GCN1: variants seen among roughly 807,000 people sequenced by gnomAD.
GCN1 encodes GCN1 activator of EIF2AK4.
Under a neutral mutation model 288.4 loss-of-function variants are expected in GCN1, and 90 were observed. The observed-to-expected ratio is 0.31, with a 90% CI of 0.26 to 0.37. GCN1 has a LOEUF of 0.37. Among genes scored for constraint, GCN1 ranks in the 10% least tolerant of loss-of-function variants. GCN1 has a pLI of 1.00. For missense variants in GCN1, 2,586 were observed against 3,419.9 expected, an observed-to-expected ratio of 0.76 and a Z score of 6.08; for synonymous variants, 1,386 against 1,420.2, an observed-to-expected ratio of 0.98 and a Z score of 0.54.
intron 2 of GCN1, among the ~76,000 whole-genome samples, chr12:120,187,253 C>G (rs1409849929): frequency 6.7e-6 from 1 of 149,726 alleles, no homozygotes; most frequent in South Asian, 2.1e-4. Flanking sequence ...GTTCTTGTTA[C>G]CCAGGCTGGA....
intron 53 of GCN1, among the ~76,000 whole-genome samples, chr12:120,133,158 T>C (rs1876885390): frequency 6.6e-6 from 1 of 152,124 alleles, no homozygotes; most frequent in African/African-American, 2.4e-5. Context: ...CCATGGGAAG[T>C]GCAGCAGCAA....
chr12:120,129,040 G>A (rs1032928070), intron 57 of GCN1, among the ~76,000 whole-genome samples: 15 of 151,862 alleles, frequency 9.9e-5, no homozygotes, highest in Admixed American at 3.3e-4. Flanking sequence ...GGGTTTCACC[G>A]TGTTAGCCTT....
rs753237287 is a variant in GCN1 at position 120,137,849 on chromosome 12, G to C, written c.6394-35C>G. The C allele has an allele frequency of 6.2e-7, 1 of 1,612,658 alleles. No homozygotes were observed. The highest frequency in any genetic ancestry group is 8.5e-7 in the Non-Finnish European group (1 of 1,178,748). On this transcript the variant is annotated intron_variant, in intron 48 of 57. Transcript: ENST00000300648. The surrounding 1 kb of genome is among the most constrained non-coding windows in gnomAD (Gnocchi z 5.2). Reference sequence around the variant, plus strand: ...ACAAGGGACATGTGTGCTGAGCAGGGATCCTCCGGGCAGACGGGACATGAG... The same window carrying C: ...ACAAGGGACATGTGTGCTGAGCAGGCATCCTCCGGGCAGACGGGACATGAG...
intron 12 of GCN1, among the ~76,000 whole-genome samples, 159 bp from the exon 13 acceptor site, chr12:120,174,328 C>A (rs964981358): frequency 1.8e-4 from 27 of 152,178 alleles, no homozygotes; most frequent in African/African-American, 6.0e-4. Context: ...TTCAATGCCC[C>A]CTCTACACCT....
rs574762219 is a variant in GCN1 at position 120,128,834 on chromosome 12, A to C, written c.7890+442T>G. Reference sequence around the variant, plus strand: ...TTTCAGGTACTGGGCCAGTCACCCAAATCTTTTTTTTTTTTTTTTTTTTTT... The same window carrying C: ...TTTCAGGTACTGGGCCAGTCACCCACATCTTTTTTTTTTTTTTTTTTTTTT... On this transcript the variant is annotated intron_variant, in intron 57 of 57. Coordinates refer to ENST00000300648, the MANE Select transcript of GCN1 (RefSeq NM_006836.2). Among the ~76,000 whole-genome samples the C allele has an allele frequency of 2.0e-3, 283 of 140,932 alleles. 1 individual carries two copies. Among genetic ancestry groups the C allele is most frequent in the African/African-American group, 7.3e-3 (269 of 36,752 alleles). 92.5% of individuals were successfully genotyped at this position (140,932 alleles called of 152,430 possible).
At chr12:120,143,804 G>A (rs1877274282) in intron 42 of GCN1, among the ~76,000 whole-genome samples, 1 of 152,212 alleles carries the variant, frequency 6.6e-6, no homozygotes, top group South Asian at 2.1e-4. Context: ...TTGGAAGCCT[G>A]TATAGAGAGG....
At position 120,151,379 on chromosome 12, in the gene GCN1, CGGA is replaced by C; in HGVS notation, c.4072_4074del (p.Ser1358del). ...ACAAGGGGTGGCAAGCAGCTGGCTA[CGGA>C]CTCCTGGACCTGGGGAAGGGCCCAC... On this transcript the variant is annotated inframe_deletion, in exon 34 of 58. Coordinates refer to ENST00000300648, the MANE Select transcript of GCN1 (RefSeq NM_006836.2). The C allele has an allele frequency of 6.2e-7, 1 of 1,613,494 alleles. No homozygotes were observed. Among genetic ancestry groups the C allele is most frequent in the Non-Finnish European group, 8.5e-7 (1 of 1,179,954 alleles).
rs1055553826 is a variant in GCN1 at position 120,134,051 on chromosome 12, A to G, written c.7317+240T>C. 6.6e-6 allele frequency among the ~76,000 whole-genome samples: 1 copy of G among 152,214 alleles called. No homozygotes were observed. The highest frequency in any genetic ancestry group is 2.4e-5 in the African/African-American group (1 of 41,448). ...CACTTCACTCCGGCCTGGGTGACAC[A>G]GCAAGACTCAGCCAAAAAACAAACA... On this transcript the variant is annotated intron_variant, in intron 53 of 57. Transcript: ENST00000300648. This position sits in a 1 kb window ranked among gnomAD's most constrained non-coding sequence, Gnocchi z 5.0.
chr12:120,151,573 T>C (rs1247348295), intron 33 of GCN1, among the ~76,000 whole-genome samples, 182 bp from the exon 34 acceptor site: 1 of 152,220 alleles, frequency 6.6e-6, no homozygotes, highest in Non-Finnish European at 1.5e-5. Context: ...TGTATACCTC[T>C]GAGGGTGCAC....
chr12:120,165,974 T>G (rs1878109438), intron 16 of GCN1, among the ~76,000 whole-genome samples: 1 of 151,976 alleles, frequency 6.6e-6, no homozygotes, highest in Non-Finnish European at 1.5e-5. Flanking sequence ...GTATTTTTAT[T>G]AGAGACAGGG....
chr12:120,164,955 A>G (rs1022390445), intron 16 of GCN1, among the ~76,000 whole-genome samples: 3 of 145,726 alleles, frequency 2.1e-5, no homozygotes, highest in African/African-American at 5.2e-5. Context: ...ATACACACAT[A>G]TACACATATA....
At chr12:120,131,122 G>T in intron 55 of GCN1, 63 bp downstream of exon 55, 1 of 1,500,922 alleles carries the variant, frequency 6.7e-7, no homozygotes, top group Non-Finnish European at 9.3e-7. Context: ...CCCGCGCTGT[G>T]TCCACAAGGT....
chr12:120,175,193 A>G lies in GCN1; in HGVS notation c.1062T>C (p.Thr354=), dbSNP rs368517875. ...GGACGCTCATCTTCTGGGCTACAAC[A>G]GTTAGTTTTCCTTCCGAGCCTGAGA... ...AILGGSEGKL[T]VVAQKMSVLS... The change falls in exon 12 of 58, where the codon ACT becomes ACC. Residue 354 remains threonine (T), a synonymous_variant. Coordinates refer to ENST00000300648, the MANE Select transcript of GCN1 (RefSeq NM_006836.2). 319 of 1,611,730 alleles carry G rather than the reference A, an allele frequency of 2.0e-4. No individual in the cohort carries two copies. The highest frequency in any genetic ancestry group is 7.3e-4 in the Admixed American group (44 of 59,966).
At chr12:120,184,786 A>C in intron 3 of GCN1, 38 bp downstream of exon 3, 1 of 1,462,682 alleles carries the variant, frequency 6.8e-7, no homozygotes, top group Non-Finnish European at 9.6e-7. Context: ...CTCTCTGTAC[A>C]AAGTGCTCCA....
At chr12:120,143,357 C>A (rs553178919) in intron 42 of GCN1, among the ~76,000 whole-genome samples, 1 of 152,152 alleles carries the variant, frequency 6.6e-6, no homozygotes, top group Non-Finnish European at 1.5e-5. Flanking sequence ...CCAAGGCAGG[C>A]GGATCACCTG....
chr12:120,169,521 T>G (rs1234382568), intron 15 of GCN1, among the ~76,000 whole-genome samples: 1 of 152,050 alleles, frequency 6.6e-6, no homozygotes, highest in Non-Finnish European at 1.5e-5. Context: ...TTTTTCTTTC[T>G]TAGACAAAGT....
intron 44 of GCN1, among the ~76,000 whole-genome samples, chr12:120,141,659 C>G (rs765348050): frequency 8.5e-5 from 13 of 152,232 alleles, no homozygotes; most frequent in Non-Finnish European, 1.5e-4. Flanking sequence ...TTCCTGCCCA[C>G]CACGGGACCT....
Position 120,153,117 on chromosome 12 carries a change from G to A in GCN1, c.4062+96C>T. 9.8e-7 allele frequency: 1 copy of A among 1,022,106 alleles called. No homozygotes were observed. Among genetic ancestry groups the A allele is most frequent in the African/African-American group, 1.6e-5 (1 of 62,784 alleles). 63.3% of individuals were successfully genotyped at this position (1,022,106 alleles called of 1,614,324 possible). On this transcript the variant is annotated intron_variant, in intron 33 of 57. Coordinates refer to ENST00000300648, the MANE Select transcript of GCN1 (RefSeq NM_006836.2). The surrounding 1 kb of genome is among the most constrained non-coding windows in gnomAD (Gnocchi z 4.4). ...ACAAGAACTGGGCTTTCAGGGCCCT[G>A]ATTGTCCAACTCCACCCCTAGTATC...
Position 120,134,654 on chromosome 12 carries a change from G to A in GCN1, c.7081C>T (p.Arg2361Trp), listed in dbSNP as rs762984260. 5 of 1,613,716 alleles carry A rather than the reference G, an allele frequency of 3.1e-6. No homozygotes were observed. Among genetic ancestry groups the A allele is most frequent in the East Asian group, 2.2e-5 (1 of 44,892 alleles). ...TFTKALQDSN[R>W]GVRLKAADAL... is the part of the protein sequence containing the mutation. Reference sequence around the variant, plus strand: ...TCTGCGGCCTTCAGGCGCACCCCCCGGTTGGAGTCCTGCAGGGCTTTGGTG... The same window carrying A: ...TCTGCGGCCTTCAGGCGCACCCCCCAGTTGGAGTCCTGCAGGGCTTTGGTG... The change falls in exon 52 of 58, where the codon CGG (arginine) becomes TGG (tryptophan). Residue 2361 changes from arginine to tryptophan, a missense_variant. By Grantham distance (101) the Arg-to-Trp change is moderately radical. Coordinates refer to ENST00000300648, the MANE Select transcript of GCN1 (RefSeq NM_006836.2). The surrounding 1 kb of genome is among the most constrained non-coding windows in gnomAD (Gnocchi z 5.0).
Sources: gnomAD v4.1 joint callset for allele counts (sites outside exome capture counted in the v4.1 genomes callset) on GRCh38, gnomAD v4.1.1 for gene constraint, Gnocchi (gnomAD v3.1) non-coding constraint, MANE v1.5 for transcripts, NCBI Gene and HGNC (gene_info 2026-07-23, HGNC 2026-07-21) for gene names.